HERPUD1: variants seen among roughly 807,000 people sequenced by gnomAD.
HERPUD1 encodes the protein homocysteine-responsive endoplasmic reticulum-resident ubiquitin-like domain member 1 protein.
HERPUD1 carries 17 observed loss-of-function variants against 45.0 expected under a neutral mutation model. That is an observed-to-expected ratio of 0.38 (90% CI 0.26 to 0.57). The LOEUF is 0.57. HERPUD1 is among the 20% of genes least tolerant of loss of function. The probability of loss-of-function intolerance (pLI) is 0.72; values close to 1 mark genes in which losing one functional copy is unlikely to be tolerated. For synonymous variants in HERPUD1, 164 were observed against 177.5 expected (o/e 0.92, Z 0.61); for missense variants, 420 against 490.5 (o/e 0.86, Z 1.36).
Position 56,943,153 on chromosome 16 carries a change from C to T in HERPUD1, c.1039C>T (p.Pro347Ser). ...AGGCACTGATCCTGAAACTGAAGAC[C>T]CCAACCACCTCCCTCCAGACAGGGA... ...QEGTDPETED[P>S]NHLPPDRDVL... The change falls in exon 8 of 8, where the codon CCC becomes TCC. Residue 347 changes from proline (P) to serine (S), a missense_variant. By Grantham distance (74) the Pro-to-Ser change is moderately conservative. Coordinates refer to ENST00000439977, the MANE Select transcript of HERPUD1 (RefSeq NM_014685.4). 6.2e-7 allele frequency: 1 copy of T among 1,614,144 alleles called. No individual in the cohort carries two copies. Among genetic ancestry groups the T allele is most frequent in the East Asian group, 2.2e-5 (1 of 44,876 alleles).
intron 4 of HERPUD1, among the ~76,000 whole-genome samples, chr16:56,938,979 A>AT (rs1182190489): frequency 6.6e-6 from 1 of 152,156 alleles, no homozygotes; most frequent in Admixed American, 6.5e-5. Flanking sequence ...GGTTGTTTAT[A>AT]TATCTGTGCA....
chr16:56,933,331 G>A, intron 1 of HERPUD1: 1 of 456,046 alleles, frequency 2.2e-6, no homozygotes, highest in Non-Finnish European at 4.4e-6. Flanking sequence ...TTTTCCTTCT[G>A]AGTTGTTATT....
At chr16:56,941,861 C>A in intron 6 of HERPUD1, 1 of 104,706 alleles carries the variant, frequency 9.6e-6, no homozygotes, top group East Asian at 1.4e-4. Flanking sequence ...AGGTTTAGTT[C>A]GTCATAAGCA....
intron 4 of HERPUD1, 90 bp downstream of exon 4, chr16:56,936,907 A>G: frequency 5.8e-6 from 8 of 1,374,504 alleles, no homozygotes; most frequent in Non-Finnish European, 7.9e-6. Context: ...ACACGTATAT[A>G]ATCAGAACTT....
chr16:56,939,499 TG>T (rs2055892963), intron 5 of HERPUD1, 140 bp downstream of exon 5: 4 of 1,112,142 alleles, frequency 3.6e-6, no homozygotes, highest in Non-Finnish European at 5.2e-6. Context: ...GTTTGGTCTG[TG>T]GGTAGAGTGT....
Position 56,932,144 on chromosome 16 carries a change from C to T in HERPUD1, c.-101C>T, listed in dbSNP as rs2055828424. 9 of 1,542,110 alleles carry T rather than the reference C, an allele frequency of 5.8e-6. No homozygotes were observed. The highest frequency in any genetic ancestry group is 7.8e-6 in the Non-Finnish European group (9 of 1,150,326). On this transcript the variant is annotated 5_prime_UTR_variant, in exon 1 of 8. Coordinates refer to ENST00000439977, the MANE Select transcript of HERPUD1 (RefSeq NM_014685.4). Reference sequence around the variant, plus strand: ...AGGCGCCCGAAGCGGGGGCGCGCGCCCCAGAGACGTGAACTGTCGTTGCAG... The same window carrying T: ...AGGCGCCCGAAGCGGGGGCGCGCGCTCCAGAGACGTGAACTGTCGTTGCAG...
intron 3 of HERPUD1, 94 bp downstream of exon 3, chr16:56,935,569 T>G (rs1238571319): frequency 9.9e-7 from 1 of 1,009,412 alleles, no homozygotes; most frequent in African/African-American, 1.6e-5. Context: ...ATTGAGAGAC[T>G]GTATGGTGTT....
At chr16:56,942,061 G>A (rs2055913993) in intron 6 of HERPUD1, 71 bp from the exon 7 acceptor site, 1 of 1,208,114 alleles carries the variant, frequency 8.3e-7, no homozygotes, top group African/African-American at 1.5e-5. Flanking sequence ...TAGAGGTGGG[G>A]AGCCTTGGAT....
chr16:56,936,876 A>G (rs757681746), intron 4 of HERPUD1, 59 bp downstream of exon 4: 1 of 1,580,452 alleles, frequency 6.3e-7, no homozygotes. Flanking sequence ...GTTTGCATCA[A>G]TTTAAGAATA....
Position 56,940,185 on chromosome 16 carries a change from ACTT to A in HERPUD1, c.848_850del (p.Phe283del), listed in dbSNP as rs2055898720. On this transcript the variant is annotated inframe_deletion, in exon 6 of 8. Coordinates refer to ENST00000439977, the MANE Select transcript of HERPUD1 (RefSeq NM_014685.4). Reference sequence around the variant, plus strand: ...TTTTCTGTTTTTCTCAGTATCCTCTACTTCTACTCCTCCCTGAGCAGATTCCTC... The same window carrying A: ...TTTTCTGTTTTTCTCAGTATCCTCTACTACTCCTCCCTGAGCAGATTCCTC... 1.2e-6 allele frequency: 2 copies of A among 1,614,028 alleles called. No individual in the cohort carries two copies. Among genetic ancestry groups the A allele is most frequent in the East Asian group, 2.2e-5 (1 of 44,898 alleles).
Position 56,935,471 on chromosome 16 carries a change from C to A in HERPUD1, c.296C>A (p.Ala99Asp). 1 of 1,613,028 alleles carries A rather than the reference C, an allele frequency of 6.2e-7. No homozygotes were observed. Among genetic ancestry groups the A allele is most frequent in the Non-Finnish European group, 8.5e-7 (1 of 1,179,032 alleles). ...CCTTCAAAAATGCCAGAAATCAACG[C>A]CAAGGTGTGTCTGCCTCTTCATGAT... ...KSPSKMPEIN[A>D]KVAESTEEPA... Residue 99 changes from alanine to aspartate, a missense_variant, in exon 3 of 8, where the codon GCC (alanine) becomes GAC (aspartate). Coordinates refer to ENST00000439977, the MANE Select transcript of HERPUD1 (RefSeq NM_014685.4).
At chr16:56,937,632 AG>A (rs1782360723) in intron 4 of HERPUD1, among the ~76,000 whole-genome samples, 1 of 151,560 alleles carries the variant, frequency 6.6e-6, no homozygotes, top group Non-Finnish European at 1.5e-5. Context: ...TTTTAAAAAA[AG>A]AGTATTTAAA....
At chr16:56,939,422 C>T (rs532597350) in intron 5 of HERPUD1, 63 bp downstream of exon 5, 6 of 1,599,646 alleles carry the variant, frequency 3.8e-6, no homozygotes, top group African/African-American at 1.3e-5. Context: ...GAATTTTATC[C>T]ATGTTACCTG....
chr16:56,938,601 C>A (rs1170815728), intron 4 of HERPUD1, among the ~76,000 whole-genome samples: 2 of 151,714 alleles, frequency 1.3e-5, no homozygotes, highest in Admixed American at 1.3e-4. Context: ...GACATCAGAC[C>A]AGCTCTGAAA....
At position 56,942,161 on chromosome 16, in the gene HERPUD1, C is replaced by G. The variant is rs765188589; in HGVS notation, c.935C>G (p.Pro312Arg). 1.2e-6 allele frequency: 2 copies of G among 1,613,828 alleles called. No homozygotes were observed. The highest frequency in any genetic ancestry group is 2.2e-5 in the East Asian group (1 of 44,886). The change falls in exon 7 of 8, where the codon CCG becomes CGG. Residue 312 changes from proline to arginine, a missense_variant. Coordinates refer to ENST00000439977, the MANE Select transcript of HERPUD1 (RefSeq NM_014685.4). ...CACGTTGGGTGGTTTCCATTTAGAC[C>G]GAGGCCGGTTCAGAACTTCCCAAAT... ...LHHVGWFPFR[P>R]RPVQNFPNDG...
In HERPUD1 at chr16:56,943,546, G is replaced by C. The variant is rs1016974554; in HGVS notation, c.*256G>C. ...TACTCTATGTAGTTTAATAAGCACTGTACGTAGAAGGCCTTAGGTGTTGCA... is the reference window on the plus strand; with the variant it reads ...TACTCTATGTAGTTTAATAAGCACTCTACGTAGAAGGCCTTAGGTGTTGCA... On this transcript the variant is annotated 3_prime_UTR_variant, in exon 8 of 8. Coordinates refer to ENST00000439977, the MANE Select transcript of HERPUD1 (RefSeq NM_014685.4). 4 of 526,150 alleles carry C rather than the reference G, an allele frequency of 7.6e-6. No homozygotes were observed. The highest frequency in any genetic ancestry group is 7.6e-5 in the African/African-American group (4 of 52,678). The allele number at this position is 526,150 out of a possible 1,614,324, so 32.6% of individuals were successfully genotyped here. A position where few individuals can be genotyped will look rare whatever the true frequency, so the allele number is the denominator to read the frequency against.
At chr16:56,939,388 G>T in intron 5 of HERPUD1, 29 bp downstream of exon 5, 1 of 1,613,100 alleles carries the variant, frequency 6.2e-7, no homozygotes, top group Non-Finnish European at 8.5e-7. Context: ...GCTGGGTGTG[G>T]CCAGGGCTCC....
At position 56,936,824 on chromosome 16, in the gene HERPUD1, G is replaced by A; in HGVS notation, c.431+7G>A. 6.2e-7 allele frequency: 1 copy of A among 1,612,654 alleles called. No homozygotes were observed. The highest frequency in any genetic ancestry group is 1.1e-5 in the South Asian group (1 of 90,896). Reference sequence around the variant, plus strand: ...GATGGGAAAACATCTCAAGGTGAGTGTTATAATAAAGATCTTGGCTTATGC... The same window carrying A: ...GATGGGAAAACATCTCAAGGTGAGTATTATAATAAAGATCTTGGCTTATGC... On this transcript the variant is annotated splice_region_variant and intron_variant, in intron 4 of 7. Transcript: ENST00000439977.
chr16:56,936,870 G>C (rs2055871003), intron 4 of HERPUD1, 53 bp downstream of exon 4: 1 of 1,589,770 alleles, frequency 6.3e-7, no homozygotes, highest in Non-Finnish European at 8.6e-7. Flanking sequence ...TTCCTCGTTT[G>C]CATCAATTTA....
Sources: gnomAD v4.1 joint callset for allele counts (sites outside exome capture counted in the v4.1 genomes callset) on GRCh38, gnomAD v4.1.1 for gene constraint, MANE v1.5 for transcripts, NCBI Gene and HGNC (gene_info 2026-07-23, HGNC 2026-07-21) for gene names.